RAB3B: variants seen among roughly 807,000 people sequenced by gnomAD.
RAB3B encodes ras-related protein Rab-3B.
A neutral mutation model predicts 20.5 loss-of-function variants in RAB3B; 11 were observed. That is an observed-to-expected ratio of 0.54 (90% CI 0.34 to 0.89). The LOEUF (loss-of-function observed/expected upper bound fraction) is 0.89, where lower values mean the gene tolerates loss of function less well. RAB3B is among the 40% of genes least tolerant of loss of function. The pLI is 0.02. For missense variants in RAB3B, 225 were observed against 280.9 expected (o/e 0.80, Z 1.42); for synonymous variants, 99 against 106.3 (o/e 0.93, Z 0.42).
intron 2 of RAB3B, among the ~76,000 whole-genome samples, chr1:51,967,645 A>G (rs994014585): frequency 6.7e-6 from 1 of 149,968 alleles, no homozygotes; most frequent in Non-Finnish European, 1.5e-5. Flanking sequence ...CCTCAGCCTC[A>G]TGAGTAGCTG....
intron 3 of RAB3B, among the ~76,000 whole-genome samples, chr1:51,936,591 T>A (rs983516005): frequency 2.6e-5 from 4 of 152,196 alleles, no homozygotes; most frequent in Admixed American, 6.5e-5. Context: ...CACTCGCACC[T>A]ACCTTCTCAC....
intron 4 of RAB3B, among the ~76,000 whole-genome samples, chr1:51,922,890 T>C (rs1220195990): frequency 1.3e-5 from 2 of 152,010 alleles, no homozygotes; most frequent in East Asian, 3.9e-4. Context: ...AGAGACAGGG[T>C]TTCACCATGT....
chr1:51,923,392 CTTGAAGTTAGTGAGGA>C (rs1684199381), intron 4 of RAB3B, among the ~76,000 whole-genome samples: 1 of 152,140 alleles, frequency 6.6e-6, no homozygotes, highest in South Asian at 2.1e-4. Context: ...GAGGAAGCTT[CTTGAAGTTAGTGAGGA>C]TGTGAGCCTT....
At chr1:51,975,247 T>G (rs1046286666) in intron 2 of RAB3B, among the ~76,000 whole-genome samples, 1 of 152,174 alleles carries the variant, frequency 6.6e-6, no homozygotes, top group African/African-American at 2.4e-5. Context: ...ATAATACATG[T>G]TTTAAATACT....
intron 2 of RAB3B, among the ~76,000 whole-genome samples, chr1:51,974,135 A>C (rs750375850): frequency 3.3e-5 from 5 of 152,054 alleles, no homozygotes; most frequent in African/African-American, 4.8e-5. Flanking sequence ...CTCTTTCACA[A>C]CCTTGATCCA....
chr1:51,934,366 C>T (rs376991832), intron 3 of RAB3B, among the ~76,000 whole-genome samples: 66 of 152,282 alleles, frequency 4.3e-4, no homozygotes, highest in African/African-American at 1.5e-3. Flanking sequence ...TAGCCTCCAC[C>T]TCCTCCTATG....
Position 51,942,225 on chromosome 1 carries a change from G to C in RAB3B, c.229-4813C>G, listed in dbSNP as rs561467772. On this transcript the variant is annotated intron_variant, in intron 2 of 4. Coordinates refer to ENST00000371655, the MANE Select transcript of RAB3B (RefSeq NM_002867.4). ...TGCCATCAGGCCTGAGCTCTCCTCA[G>C]TCTCCCTAAACTATGCCCTGTTATT... 4.6e-5 allele frequency among the ~76,000 whole-genome samples: 7 copies of C among 152,320 alleles called. No individual in the cohort carries two copies. The East Asian group carries it at 1.4e-3, about 29-fold the overall frequency.
intron 3 of RAB3B, 60 bp downstream of exon 3, chr1:51,937,234 G>A: frequency 7.6e-7 from 1 of 1,307,538 alleles, no homozygotes; most frequent in Non-Finnish European, 1.1e-6. Flanking sequence ...ACAGGACCTA[G>A]CACATGTTAG....
chr1:51,961,107 T>G (rs1684778467), intron 2 of RAB3B, among the ~76,000 whole-genome samples: 1 of 152,162 alleles, frequency 6.6e-6, no homozygotes, highest in African/African-American at 2.4e-5. Context: ...GCTGAAGTAA[T>G]TAAGCCCCCA....
chr1:51,937,441 C>A, intron 2 of RAB3B, 29 bp from the exon 3 acceptor site: 1 of 1,468,914 alleles, frequency 6.8e-7, no homozygotes, highest in South Asian at 1.3e-5. Flanking sequence ...GAAACAATCT[C>A]TTAGAAAGTC....
intron 4 of RAB3B, among the ~76,000 whole-genome samples, chr1:51,923,693 C>T (rs1301999949): frequency 1.4e-5 from 2 of 141,630 alleles, no homozygotes; most frequent in Non-Finnish European, 3.0e-5. Context: ...CCTGCCTGGG[C>T]GACAGAGTGA....
intron 2 of RAB3B, among the ~76,000 whole-genome samples, chr1:51,950,779 G>A (rs973166446): frequency 2.1e-4 from 32 of 152,292 alleles, no homozygotes; most frequent in South Asian, 1.0e-3. Context: ...GCACCAGGGA[G>A]GCAGGTAATG....
At chr1:51,989,771 C>T (rs995870846) in intron 1 of RAB3B, among the ~76,000 whole-genome samples, 5 of 151,728 alleles carry the variant, frequency 3.3e-5, no homozygotes, top group African/African-American at 1.2e-4. Context: ...GGCCTCTCAC[C>T]CTTCCATTCT....
At chr1:51,945,421 G>A (rs1684551105) in intron 2 of RAB3B, among the ~76,000 whole-genome samples, 1 of 152,106 alleles carries the variant, frequency 6.6e-6, no homozygotes, top group African/African-American at 2.4e-5. Context: ...TATAAACGTG[G>A]CTTTTATATG....
Position 51,980,021 on chromosome 1 carries a change from G to A in RAB3B, c.1-2904C>T, listed in dbSNP as rs565236514. On this transcript the variant is annotated intron_variant, in intron 1 of 4. Coordinates refer to ENST00000371655, the MANE Select transcript of RAB3B (RefSeq NM_002867.4). ...CAGGCCACTGCACTTCAGCCTACGC[G>A]ACAGAGCGAGACTCCACCCCCCCAA... Among the ~76,000 whole-genome samples the A allele has an allele frequency of 1.8e-4, 27 of 151,974 alleles. 1 individual carries two copies. Among genetic ancestry groups the A allele is most frequent in the East Asian group, 7.8e-4 (4 of 5,144 alleles).
chr1:51,919,880 C>T lies in RAB3B; in HGVS notation c.*47G>A. Reference sequence around the variant, plus strand: ...ACAGTGTGTAACAGGGAGAAGCAGACTGGGTGTGGGGCCACAATGAGGGGA... The same window carrying T: ...ACAGTGTGTAACAGGGAGAAGCAGATTGGGTGTGGGGCCACAATGAGGGGA... On this transcript the variant is annotated 3_prime_UTR_variant, in exon 5 of 5. Coordinates refer to ENST00000371655, the MANE Select transcript of RAB3B (RefSeq NM_002867.4). 6.4e-7 allele frequency: 1 copy of T among 1,556,872 alleles called. No homozygotes were observed. Among genetic ancestry groups the T allele is most frequent in the Non-Finnish European group, 8.8e-7 (1 of 1,142,390 alleles).
intron 2 of RAB3B, among the ~76,000 whole-genome samples, chr1:51,974,111 G>C (rs1684975609): frequency 6.6e-6 from 1 of 152,108 alleles, no homozygotes; most frequent in Non-Finnish European, 1.5e-5. Flanking sequence ...ATTTCTCTCA[G>C]CACCCACTCT....
At chr1:51,969,708 A>C (rs535935508) in intron 2 of RAB3B, among the ~76,000 whole-genome samples, 219 of 152,298 alleles carry the variant, frequency 1.4e-3, no homozygotes, top group South Asian at 4.1e-3. Flanking sequence ...GCTATTTATC[A>C]ATCTCCCTAG....
At chr1:51,965,462 C>T (rs1400592114) in intron 2 of RAB3B, among the ~76,000 whole-genome samples, 1 of 152,038 alleles carries the variant, frequency 6.6e-6, no homozygotes, top group African/African-American at 2.4e-5. Flanking sequence ...GCCTGGCCAA[C>T]ATGGCAAAAC....
Sources: allele counts gnomAD v4.1 joint callset (sites outside exome capture counted in the v4.1 genomes callset), GRCh38; gene constraint gnomAD v4.1.1; transcripts MANE v1.5; gene names NCBI Gene and HGNC (gene_info 2026-07-23, HGNC 2026-07-21).